Variants in WDR91 observed in about 807,000 individuals in gnomAD.
The protein encoded by WDR91 is WD repeat domain 91.
Under a neutral mutation model 88.4 loss-of-function variants are expected in WDR91, and 52 were observed. The observed-to-expected ratio is 0.59, with a 90% CI of 0.47 to 0.74. The LOEUF is 0.74. Ranked by LOEUF, WDR91 falls within the 30% of genes least tolerant of loss-of-function variation. The pLI, the probability that WDR91 is intolerant of heterozygous loss-of-function variation, is 0.00. For synonymous variants in WDR91, 362 were observed against 389.5 expected (o/e 0.93, Z 0.83); for missense variants, 824 against 954.5 (o/e 0.86, Z 1.80).
chr7:135,199,013 G>A (rs1274297302), intron 6 of WDR91: 1 of 152,166 alleles, frequency 6.6e-6, no homozygotes, highest in Non-Finnish European at 1.5e-5. Flanking sequence ...TTAGCAAAGA[G>A]ATATGAATGC....
At chr7:135,200,007 T>C (rs1831514786) in intron 6 of WDR91, 1 of 152,230 alleles carries the variant, frequency 6.6e-6, no homozygotes, top group African/African-American at 2.4e-5. Flanking sequence ...AAGAACTACC[T>C]TTACAATGAT....
intron 14 of WDR91, among the ~76,000 whole-genome samples, 178 bp downstream of exon 14, chr7:135,186,793 GA>G (rs1207447509): frequency 1.3e-5 from 2 of 152,266 alleles, no homozygotes; most frequent in African/African-American, 4.8e-5. Context: ...AGTTAGTGCA[GA>G]AACATGGCTC....
rs779892292 is a variant in WDR91, at chr7:135,204,253, A to G, written c.891+15T>C. The G allele has an allele frequency of 6.2e-7, 1 of 1,612,862 alleles. No homozygotes were observed. ...CCTTCTTGGCCAGAGTTAGAGAGGC[A>G]GGACTTGTGCTTACCTGACCACCGA... On this transcript the variant is annotated intron_variant, in intron 6 of 14. Transcript: ENST00000354475.
chr7:135,192,297 T>C (rs539201682), intron 11 of WDR91, among the ~76,000 whole-genome samples: 2 of 152,236 alleles, frequency 1.3e-5, no homozygotes, highest in East Asian at 1.9e-4. Context: ...TTTAAGTTTT[T>C]TGTAGAGACA....
intron 11 of WDR91, among the ~76,000 whole-genome samples, chr7:135,191,464 G>A (rs1831160104): frequency 6.6e-6 from 1 of 152,022 alleles, no homozygotes; most frequent in Non-Finnish European, 1.5e-5. Context: ...AATTAGCTGG[G>A]TGTGGTGGTG....
At chr7:135,208,659 T>A (rs1831895719) in intron 3 of WDR91, 132 bp downstream of exon 3, 1 of 742,374 alleles carries the variant, frequency 1.3e-6, no homozygotes, top group Admixed American at 3.3e-5. Context: ...TCCAGCCCCC[T>A]CATGTGACCC....
chr7:135,195,137 C>G, intron 8 of WDR91, 53 bp from the exon 9 acceptor site: 2 of 1,570,374 alleles, frequency 1.3e-6, no homozygotes, highest in Non-Finnish European at 1.7e-6. Flanking sequence ...TCCCCATCCT[C>G]TTCTGCTAAT....
intron 9 of WDR91, among the ~76,000 whole-genome samples, 199 bp downstream of exon 9, chr7:135,194,735 C>T (rs1173729236): frequency 3.9e-5 from 6 of 152,194 alleles, no homozygotes. Context: ...AGCTCATTTC[C>T]ATCTGTCAAT....
chr7:135,188,565 C>T lies in WDR91; in HGVS notation c.1769-20G>A. 1 of 1,595,020 alleles carries T rather than the reference C, an allele frequency of 6.3e-7. No individual in the cohort carries two copies. ...GCATGTCTGAGGCAATGAGACACGG[C>T]CACTCACATCCTGGCCAGGGCTCTG... On this transcript the variant is annotated intron_variant, in intron 12 of 14. Transcript: ENST00000354475.
intron 12 of WDR91, 52 bp from the exon 13 acceptor site, chr7:135,188,597 GA>G (rs1293479804): frequency 6.6e-7 from 1 of 1,505,032 alleles, no homozygotes; most frequent in African/African-American, 1.4e-5. Flanking sequence ...TCTGCAGAAG[GA>G]ATCTGCCTGC....
chr7:135,205,516 G>C (rs1458106607), intron 5 of WDR91, among the ~76,000 whole-genome samples: 1 of 152,204 alleles, frequency 6.6e-6, no homozygotes, highest in Admixed American at 6.5e-5. Flanking sequence ...CCAGCACTTT[G>C]GGAGGCCAAG....
rs538185323 is a variant in WDR91 at position 135,196,004 on chromosome 7, G to A, written c.1244+140C>T. On this transcript the variant is annotated intron_variant, in intron 8 of 14. Transcript: ENST00000354475. The surrounding 1 kb of genome is among the most constrained non-coding windows in gnomAD (Gnocchi z 4.2). ...GACCAGTCCACTGGCAGCTCCAACC[G>A]ACTCCCATGACTCTACTGCCATGAC... 1.0e-4 allele frequency: 77 copies of A among 736,890 alleles called. No homozygotes were observed. Among genetic ancestry groups the A allele is most frequent in the African/African-American group, 1.0e-3 (56 of 54,900 alleles). 45.6% of individuals were successfully genotyped at this position (736,890 alleles called of 1,614,324 possible). A position where few individuals can be genotyped will look rare whatever the true frequency, so the allele number is the denominator to read the frequency against.
intron 14 of WDR91, 98 bp downstream of exon 14, chr7:135,186,874 G>C: frequency 7.1e-7 from 1 of 1,417,454 alleles, no homozygotes; most frequent in Admixed American, 1.7e-5. Context: ...ATGCAGCTCG[G>C]GGTAGAGGGC....
intron 5 of WDR91, 136 bp from the exon 6 acceptor site, chr7:135,204,569 G>T: frequency 1.1e-6 from 1 of 902,092 alleles, no homozygotes; most frequent in Non-Finnish European, 1.6e-6. Context: ...CTTTAAGGTG[G>T]TATTATCCTT....
rs535051954 is a variant in WDR91 at position 135,184,252 on chromosome 7, C to T, written c.*1899G>A. ...TCTCATAATCAAGCCACTTAAATAC[C>T]TCCCTACTTTTCCCTCAACTCCCAG... On this transcript the variant is annotated 3_prime_UTR_variant, in exon 15 of 15. Transcript: ENST00000354475. 2.0e-5 allele frequency: 3 copies of T among 152,224 alleles called. No individual in the cohort carries two copies. The highest frequency in any genetic ancestry group is 4.4e-5 in the Non-Finnish European group (3 of 68,018). 9.4% of individuals were successfully genotyped at this position (152,224 alleles called of 1,614,324 possible).
rs538767142 is a variant in WDR91 at position 135,197,929 on chromosome 7, C to G, written c.1050+64G>C. ...AACTCAGAAGAGAGAGAAGAGAAGA[C>G]CCCCCACAGTGTTCCTCAGTAGCTG... On this transcript the variant is annotated intron_variant, in intron 7 of 14. Transcript: ENST00000354475. 398 of 1,559,788 alleles carry G rather than the reference C, an allele frequency of 2.6e-4. 2 individuals carry two copies. The African/African-American group carries it at 4.5e-3, about 18-fold the overall frequency.
At chr7:135,186,866 G>T in intron 14 of WDR91, 106 bp downstream of exon 14, 1 of 1,335,304 alleles carries the variant, frequency 7.5e-7, no homozygotes, top group Non-Finnish European at 1.1e-6. Flanking sequence ...CCACAGCCAT[G>T]CAGCTCGGGG....
chr7:135,187,290 C>A, intron 13 of WDR91, 121 bp from the exon 14 acceptor site: 2 of 965,776 alleles, frequency 2.1e-6, no homozygotes. Context: ...CCCCCAGCCA[C>A]AGTGCTGACA....
rs1292264894 is a variant in WDR91, at chr7:135,188,498, C to T, written c.1816G>A (p.Glu606Lys). The change falls in exon 13 of 15, where the codon GAG (glutamate) becomes AAG (lysine). Residue 606 changes from glutamate to lysine, a missense_variant. Glu to Lys is a moderately conservative substitution (Grantham distance 56). Coordinates refer to ENST00000354475, the MANE Select transcript of WDR91 (RefSeq NM_014149.4). ...CAMSWRAHYG[E>K]VYSVEFSYDE... ...TAGCTGAACTCCACAGAGTAGACCT[C>T]CCCGTAGTGGGCCCTCCAGCTCATC... 1 of 1,614,086 alleles carries T rather than the reference C, an allele frequency of 6.2e-7. No individual in the cohort carries two copies. Among genetic ancestry groups the T allele is most frequent in the East Asian group, 2.2e-5 (1 of 44,876 alleles).
Sources: gnomAD v4.1 joint callset for allele counts (sites outside exome capture counted in the v4.1 genomes callset) on GRCh38, gnomAD v4.1.1 for gene constraint, Gnocchi (gnomAD v3.1) non-coding constraint, MANE v1.5 for transcripts, NCBI Gene and HGNC (gene_info 2026-07-23, HGNC 2026-07-21) for gene names.